The following STX8 variants were observed in gnomAD, a reference collection of about 807,000 sequenced individuals.
The protein encoded by STX8 is syntaxin 8, also known as syntaxin-8.
In STX8, 23 loss-of-function variants were observed where a neutral mutation model predicts 37.5. That is an observed-to-expected ratio of 0.61 (90% CI 0.44 to 0.87). The LOEUF (loss-of-function observed/expected upper bound fraction) is 0.87. Among genes scored for constraint, STX8 ranks in the 40% least tolerant of loss-of-function variants. The pLI, the probability that STX8 is intolerant of heterozygous loss-of-function variation, is 0.00. For synonymous variants in STX8, 115 were observed against 99.1 expected, an observed-to-expected ratio of 1.16 and a Z score of -0.95; for missense variants, 313 against 284.7, an observed-to-expected ratio of 1.10 and a Z score of -0.71.
intron 7 of STX8, among the ~76,000 whole-genome samples, chr17:9,362,843 A>AG (rs1911109456): frequency 1.4e-5 from 2 of 141,920 alleles, no homozygotes; most frequent in South Asian, 4.3e-4. Context: ...AAAAAAAAAA[A>AG]TAAATAAATA....
intron 4 of STX8, among the ~76,000 whole-genome samples, chr17:9,509,661 C>T (rs1350359236): frequency 6.6e-6 from 1 of 152,048 alleles, no homozygotes; most frequent in Non-Finnish European, 1.5e-5. Flanking sequence ...CAAGCCTTAT[C>T]ACTTCAGAAC....
chr17:9,357,260 G>T (rs542611303), intron 7 of STX8, among the ~76,000 whole-genome samples: 2 of 152,122 alleles, frequency 1.3e-5, no homozygotes, highest in African/African-American at 4.8e-5. Context: ...GAGCCACTGC[G>T]CCCGGCCCTT....
chr17:9,272,158 ACAG>A (rs1268204374), intron 7 of STX8, among the ~76,000 whole-genome samples: 1 of 152,232 alleles, frequency 6.6e-6, no homozygotes, highest in African/African-American at 2.4e-5. Flanking sequence ...TGTGGGACCA[ACAG>A]CAGCAGCTGG....
At chr17:9,364,928 T>C (rs182071818) in intron 7 of STX8, among the ~76,000 whole-genome samples, 1 of 152,298 alleles carries the variant, frequency 6.6e-6, no homozygotes, top group African/African-American at 2.4e-5. Context: ...TCTGTACTAA[T>C]AAATAGATTT....
At chr17:9,488,819 A>AGTGTGTGTGTGTGT (rs1244919629) in intron 6 of STX8, among the ~76,000 whole-genome samples, 29 of 92,544 alleles carry the variant, frequency 3.1e-4, no homozygotes, top group East Asian at 9.0e-4. Flanking sequence ...AGAGAGAGAG[A>AGTGTGTGTGTGTGT]GAGTGTGTGT....
chr17:9,465,117 C>T (rs1241149836), intron 6 of STX8, among the ~76,000 whole-genome samples: 1 of 152,048 alleles, frequency 6.6e-6, no homozygotes, highest in African/African-American at 2.4e-5. Flanking sequence ...TCCTTCTCCC[C>T]TAAGTCATCT....
intron 6 of STX8, among the ~76,000 whole-genome samples, chr17:9,419,567 A>T (rs1271195416): frequency 6.6e-6 from 1 of 152,216 alleles, no homozygotes; most frequent in Non-Finnish European, 1.5e-5. Flanking sequence ...AATGGGAGGT[A>T]GATATTAAGT....
intron 6 of STX8, among the ~76,000 whole-genome samples, chr17:9,387,120 C>T (rs1159938762): frequency 6.6e-6 from 1 of 152,092 alleles, no homozygotes; most frequent in Admixed American, 6.6e-5. Context: ...TACTTAGATC[C>T]AAACTTTAGC....
chr17:9,338,129 T>C (rs1465040098), intron 7 of STX8, among the ~76,000 whole-genome samples: 3 of 148,868 alleles, frequency 2.0e-5, no homozygotes, highest in Non-Finnish European at 4.5e-5. Flanking sequence ...TCTTGGCTCA[T>C]TGCAACCTCC....
At chr17:9,546,235 G>A (rs1037659365) in intron 3 of STX8, among the ~76,000 whole-genome samples, 2 of 152,172 alleles carry the variant, frequency 1.3e-5, no homozygotes, top group African/African-American at 2.4e-5. Flanking sequence ...TAGCAAACAC[G>A]CTAGACTAGG....
At chr17:9,443,693 T>G (rs1195680234) in intron 6 of STX8, among the ~76,000 whole-genome samples, 2 of 152,208 alleles carry the variant, frequency 1.3e-5, no homozygotes, top group Non-Finnish European at 2.9e-5. Context: ...TCATTTATAT[T>G]ATTTCTACTG....
chr17:9,298,599 G>A (rs1908651525), intron 7 of STX8, among the ~76,000 whole-genome samples: 1 of 152,126 alleles, frequency 6.6e-6, no homozygotes, highest in Admixed American at 6.6e-5. Context: ...ATCACCTGAG[G>A]TCAGGAGACT....
At chr17:9,404,323 T>G (rs1409803186) in intron 6 of STX8, among the ~76,000 whole-genome samples, 1 of 152,188 alleles carries the variant, frequency 6.6e-6, no homozygotes, top group Non-Finnish European at 1.5e-5. Flanking sequence ...GGAAATACAC[T>G]GTAATTTGCC....
chr17:9,503,430 T>C (rs1329059011), intron 5 of STX8, among the ~76,000 whole-genome samples: 1 of 152,208 alleles, frequency 6.6e-6, no homozygotes, highest in Non-Finnish European at 1.5e-5. Context: ...TGTCAAAGCT[T>C]ATCAAATCAT....
At chr17:9,359,787 T>C (rs774384370) in intron 7 of STX8, among the ~76,000 whole-genome samples, 2 of 151,882 alleles carry the variant, frequency 1.3e-5, no homozygotes, top group Admixed American at 6.6e-5. Flanking sequence ...GGATTACAGG[T>C]GTGAGCCACC....
At chr17:9,457,242 C>T (rs1011771891) in intron 6 of STX8, among the ~76,000 whole-genome samples, 14 of 152,176 alleles carry the variant, frequency 9.2e-5, no homozygotes, top group African/African-American at 3.1e-4. Context: ...AGATGTCTGA[C>T]GTAGGTCTCC....
chr17:9,487,770 G>A (rs1421779485), intron 6 of STX8, among the ~76,000 whole-genome samples: 1 of 152,228 alleles, frequency 6.6e-6, no homozygotes, highest in African/African-American at 2.4e-5. Context: ...AAATGTGCGA[G>A]TCGAAGGACC....
At chr17:9,523,341 C>T (rs1278487147) in intron 4 of STX8, among the ~76,000 whole-genome samples, 1 of 151,062 alleles carries the variant, frequency 6.6e-6, no homozygotes, top group Non-Finnish European at 1.5e-5. Context: ...ACACTGTACC[C>T]CATAAATATG....
chr17:9,363,388 C>T (rs940284919), intron 7 of STX8, among the ~76,000 whole-genome samples: 1 of 152,074 alleles, frequency 6.6e-6, no homozygotes, highest in Non-Finnish European at 1.5e-5. Flanking sequence ...GTAATGAGAA[C>T]TGATGAGTTA....
Sources: allele counts gnomAD v4.1 joint callset (sites outside exome capture counted in the v4.1 genomes callset), GRCh38; gene constraint gnomAD v4.1.1; transcripts MANE v1.5; gene names NCBI Gene and HGNC (gene_info 2026-07-23, HGNC 2026-07-21).